Variants in MEGF6 observed in about 807,000 individuals in gnomAD.
MEGF6 encodes the protein multiple EGF like domains 6.
In MEGF6, 184 loss-of-function variants were observed where a neutral mutation model predicts 207.1. The ratio of observed to expected loss-of-function variants is 0.89; its 90% CI spans 0.79 to 1.00. The LOEUF (loss-of-function observed/expected upper bound fraction) is 1.00, where lower values mean the gene tolerates loss of function less well. MEGF6 is among the 50% of genes least tolerant of loss of function. The pLI is 0.00. For synonymous variants in MEGF6, 1,038 were observed against 910.0 expected (o/e 1.14, Z -2.53); for missense variants, 2,282 against 2,202.9 (o/e 1.04, Z -0.72).
chr1:3,532,303 C>T (rs55762450), intron 4 of MEGF6, among the ~76,000 whole-genome samples: 6 of 152,168 alleles, frequency 3.9e-5, no homozygotes, highest in Admixed American at 3.9e-4. Flanking sequence ...GGATCAGAGT[C>T]CCCAGAGCCC....
At chr1:3,568,993 G>A (rs2101683339) in intron 4 of MEGF6, among the ~76,000 whole-genome samples, 1 of 147,296 alleles carries the variant, frequency 6.8e-6, no homozygotes, top group Middle Eastern at 3.4e-3. Context: ...CAGCTTCCAG[G>A]CGAGTGGGCA....
intron 4 of MEGF6, chr1:3,531,359 C>A (rs961722452): frequency 1.7e-6 from 2 of 1,187,978 alleles, no homozygotes; most frequent in African/African-American, 1.6e-5. Context: ...CGGGCGGGCG[C>A]GCAATCCCAG....
intron 3 of MEGF6, among the ~76,000 whole-genome samples, chr1:3,583,275 C>T (rs1209508486): frequency 6.6e-6 from 1 of 151,240 alleles, no homozygotes; most frequent in African/African-American, 2.5e-5. Context: ...AACCCACAGC[C>T]ACCAGACAAC....
intron 5 of MEGF6, 44 bp from the exon 6 acceptor site, chr1:3,515,571 T>A: frequency 6.3e-7 from 1 of 1,592,834 alleles, no homozygotes; most frequent in Non-Finnish European, 8.6e-7. Flanking sequence ...AGAGGATGCC[T>A]GGCCGACAGT....
Position 3,498,681 on chromosome 1 carries a change from T to C in MEGF6, c.3223+17A>G. 1 of 1,547,396 alleles carries C rather than the reference T, an allele frequency of 6.5e-7. No individual in the cohort carries two copies. Among genetic ancestry groups the C allele is most frequent in the Non-Finnish European group, 8.7e-7 (1 of 1,147,100 alleles). On this transcript the variant is annotated intron_variant, in intron 25 of 36. Coordinates refer to ENST00000356575, the MANE Select transcript of MEGF6 (RefSeq NM_001409.4). ...AGCATGCTGGGGTATGTCCCTCCTCTGCCGCCCAGCGCTCACCCTTCTCAC... is the reference window on the plus strand; with the variant it reads ...AGCATGCTGGGGTATGTCCCTCCTCCGCCGCCCAGCGCTCACCCTTCTCAC...
intron 4 of MEGF6, among the ~76,000 whole-genome samples, chr1:3,534,047 G>A (rs1032832685): frequency 1.3e-5 from 2 of 152,154 alleles, no homozygotes; most frequent in African/African-American, 4.8e-5. Context: ...TCTCGAGGAG[G>A]AGGGAGGAGC....
intron 4 of MEGF6, among the ~76,000 whole-genome samples, chr1:3,533,732 A>G (rs1007124636): frequency 5.3e-5 from 8 of 152,122 alleles, no homozygotes; most frequent in African/African-American, 1.9e-4. Context: ...GATGGGGCCC[A>G]GTACTCGGCG....
intron 3 of MEGF6, among the ~76,000 whole-genome samples, chr1:3,589,638 G>A (rs1028432683): frequency 3.9e-5 from 6 of 152,196 alleles, no homozygotes; most frequent in African/African-American, 1.4e-4. Flanking sequence ...TCTCCTGCAA[G>A]GACAGGAGCC....
chr1:3,605,679 C>T (rs573655598), intron 1 of MEGF6, among the ~76,000 whole-genome samples: 5 of 151,198 alleles, frequency 3.3e-5, no homozygotes, highest in South Asian at 4.3e-4. Flanking sequence ...CACACACACT[C>T]GCACACACAT....
rs1488166752 is a variant in MEGF6 at position 3,607,738 on chromosome 1, G to A, written c.131+3400C>T. 1.2e-3 allele frequency among the ~76,000 whole-genome samples: 181 copies of A among 152,348 alleles called. 4 individuals are homozygous for A. Among genetic ancestry groups the A allele is most frequent in the Non-Finnish European group, 1.0e-4 (7 of 68,020 alleles). On this transcript the variant is annotated intron_variant, in intron 1 of 36. Coordinates refer to ENST00000356575, the MANE Select transcript of MEGF6 (RefSeq NM_001409.4). ...TGCGGCTGGATCCCGCCTCCCATCTGGGGGCGTGGAACAGGAATTCCCAAA... is the reference window on the plus strand; with the variant it reads ...TGCGGCTGGATCCCGCCTCCCATCTAGGGGCGTGGAACAGGAATTCCCAAA...
At chr1:3,603,052 C>A (rs1313927247) in intron 1 of MEGF6, among the ~76,000 whole-genome samples, 1 of 152,194 alleles carries the variant, frequency 6.6e-6, no homozygotes, top group Non-Finnish European at 1.5e-5. Context: ...CTGGGGTGAA[C>A]CCGGGCCCAT....
At chr1:3,490,729 T>C (rs937157668) in intron 36 of MEGF6, 140 bp from the exon 37 acceptor site, 3 of 1,003,842 alleles carry the variant, frequency 3.0e-6, no homozygotes, top group Non-Finnish European at 4.3e-6. Flanking sequence ...CCACCCATCC[T>C]TCCCAGCCTG....
In MEGF6 at chr1:3,494,500, C is replaced by T; in HGVS notation, c.4001-1G>A. 2 of 1,589,320 alleles carry T rather than the reference C, an allele frequency of 1.3e-6. No individual in the cohort carries two copies. Among genetic ancestry groups the T allele is most frequent in the East Asian group, 4.6e-5 (2 of 43,784 alleles). ...GCTCCGTAGCGCCCAGGGGGACAGGCTGGGGACAGGGCAGGGTGGGCAGTC... is the reference window on the plus strand; with the variant it reads ...GCTCCGTAGCGCCCAGGGGGACAGGTTGGGGACAGGGCAGGGTGGGCAGTC... On this transcript the variant is annotated splice_acceptor_variant, in intron 31 of 36. Coordinates refer to ENST00000356575, the MANE Select transcript of MEGF6 (RefSeq NM_001409.4). LOFTEE classifies it high-confidence loss of function.
intron 3 of MEGF6, among the ~76,000 whole-genome samples, chr1:3,592,248 G>T (rs1436816950): frequency 6.6e-6 from 1 of 152,216 alleles, no homozygotes; most frequent in East Asian, 1.9e-4. Flanking sequence ...TTGAGGAAGG[G>T]CCTGCAGGCT....
At chr1:3,613,202 C>T (rs963574570), upstream of MEGF6, among the ~76,000 whole-genome samples, 1 of 152,188 alleles carries the variant, frequency 6.6e-6, no homozygotes, top group Non-Finnish European at 1.5e-5. Context: ...GCCTCTCACC[C>T]ACCCCCACTG....
chr1:3,504,498 G>A (rs559901151), intron 17 of MEGF6, among the ~76,000 whole-genome samples: 2 of 152,016 alleles, frequency 1.3e-5, no homozygotes, highest in East Asian at 1.9e-4. Flanking sequence ...TGCACCTCCC[G>A]CCAGTGCAAG....
intron 17 of MEGF6, among the ~76,000 whole-genome samples, chr1:3,503,672 A>G (rs1399666874): frequency 2.1e-5 from 3 of 145,020 alleles, no homozygotes; most frequent in Non-Finnish European, 1.5e-5. Context: ...ATTCATGTGT[A>G]TGTGTGTGTA....
intron 5 of MEGF6, among the ~76,000 whole-genome samples, chr1:3,518,564 C>T (rs1422478643): frequency 3.3e-5 from 5 of 152,350 alleles, no homozygotes; most frequent in Admixed American, 6.5e-5. Flanking sequence ...GGCTGACTGG[C>T]GGGCTGCGCC....
At chr1:3,499,417 G>T in intron 23 of MEGF6, 151 bp from the exon 24 acceptor site, 1 of 1,406,448 alleles carries the variant, frequency 7.1e-7, no homozygotes, top group East Asian at 2.5e-5. Flanking sequence ...CCACTCAGCA[G>T]AGTGGCCACA....
Sources: gnomAD v4.1 joint callset for allele counts (sites outside exome capture counted in the v4.1 genomes callset) on GRCh38, gnomAD v4.1.1 for gene constraint, MANE v1.5 for transcripts, NCBI Gene and HGNC (gene_info 2026-07-23, HGNC 2026-07-21) for gene names.